Variants in GPC5 observed in about 807,000 individuals in gnomAD.
The protein encoded by GPC5 is glypican 5, also known as glypican-5.
A neutral mutation model predicts 53.9 loss-of-function variants in GPC5; 47 were observed. That is an observed-to-expected ratio of 0.87 (90% CI 0.69 to 1.11). GPC5 has a LOEUF of 1.11. Ranked by LOEUF, GPC5 falls within the 50% of genes most tolerant of loss-of-function variation. The pLI is 0.00. For synonymous variants in GPC5, 286 were observed against 263.3 expected (o/e 1.09, Z -0.84); for missense variants, 748 against 713.1 (o/e 1.05, Z -0.56).
chr13:92,034,973 A>G (rs1276809641), intron 6 of GPC5, among the ~76,000 whole-genome samples: 2 of 152,224 alleles, frequency 1.3e-5, no homozygotes, highest in African/African-American at 4.8e-5. Flanking sequence ...GGTTTGACAC[A>G]TAAAATAGTT....
intron 2 of GPC5, among the ~76,000 whole-genome samples, chr13:91,488,028 A>G (rs1433879495): frequency 2.0e-5 from 3 of 152,058 alleles, no homozygotes; most frequent in Non-Finnish European, 2.9e-5. Flanking sequence ...CATTATATGC[A>G]CATTTAATTC....
At chr13:92,770,284 C>A (rs1328085447) in intron 7 of GPC5, among the ~76,000 whole-genome samples, 1 of 151,798 alleles carries the variant, frequency 6.6e-6, no homozygotes, top group African/African-American at 2.4e-5. Context: ...GGTGGTGGCT[C>A]CTGCCTGTCA....
intron 1 of GPC5, among the ~76,000 whole-genome samples, chr13:91,432,915 G>A (rs1436139932): frequency 6.6e-6 from 1 of 152,044 alleles, no homozygotes; most frequent in Non-Finnish European, 1.5e-5. Context: ...CTAAGACGGT[G>A]GCTTATTAAG....
intron 7 of GPC5, among the ~76,000 whole-genome samples, chr13:92,262,970 CTT>C (rs2042777047): frequency 1.3e-5 from 2 of 152,084 alleles, no homozygotes; most frequent in Admixed American, 6.6e-5. Context: ...TTTCCATACT[CTT>C]TAGCTATTAG....
intron 7 of GPC5, among the ~76,000 whole-genome samples, chr13:92,145,432 T>G (rs2041860255): frequency 6.6e-6 from 1 of 152,098 alleles, no homozygotes; most frequent in African/African-American, 2.4e-5. Flanking sequence ...TGGTATATGG[T>G]TATTGATCAT....
intron 6 of GPC5, among the ~76,000 whole-genome samples, chr13:92,001,719 G>C (rs2040556620): frequency 6.6e-6 from 1 of 151,780 alleles, no homozygotes; most frequent in Admixed American, 6.6e-5. Flanking sequence ...TTTATTTTTT[G>C]TGTCCACAAG....
chr13:92,172,771 C>T (rs1179131807), intron 7 of GPC5, among the ~76,000 whole-genome samples: 1 of 152,006 alleles, frequency 6.6e-6, no homozygotes, highest in African/African-American at 2.4e-5. Flanking sequence ...ACTTTATTTC[C>T]ATTGAAACTG....
intron 6 of GPC5, among the ~76,000 whole-genome samples, chr13:92,079,138 G>A (rs905953026): frequency 2.0e-5 from 3 of 152,022 alleles, no homozygotes; most frequent in East Asian, 1.9e-4. Context: ...TGCAACCTCC[G>A]CCTTCTGGTT....
chr13:91,816,356 C>T (rs1419739542), intron 5 of GPC5, among the ~76,000 whole-genome samples: 1 of 152,090 alleles, frequency 6.6e-6, no homozygotes, highest in Non-Finnish European at 1.5e-5. Flanking sequence ...GTGCTTCTTT[C>T]TTTCAAGGAG....
At chr13:92,491,081 T>C (rs1191091441) in intron 7 of GPC5, among the ~76,000 whole-genome samples, 1 of 152,134 alleles carries the variant, frequency 6.6e-6, no homozygotes, top group Non-Finnish European at 1.5e-5. Context: ...AAATTTATTA[T>C]GTTTTCTTGT....
chr13:91,638,481 C>G (rs1317725768), intron 2 of GPC5, among the ~76,000 whole-genome samples: 1 of 151,784 alleles, frequency 6.6e-6, no homozygotes, highest in East Asian at 1.9e-4. Context: ...TTCTCCTACC[C>G]CAGCGTCCCA....
chr13:92,160,226 CT>C (rs1479804336), intron 7 of GPC5, among the ~76,000 whole-genome samples: 1 of 152,130 alleles, frequency 6.6e-6, no homozygotes, highest in African/African-American at 2.4e-5. Flanking sequence ...CCTATTTTTG[CT>C]TTACTAACTC....
intron 7 of GPC5, among the ~76,000 whole-genome samples, chr13:92,703,942 A>G (rs1302455957): frequency 6.6e-6 from 1 of 151,972 alleles, no homozygotes; most frequent in African/African-American, 2.4e-5. Context: ...TTTACCCATT[A>G]TTTTGTTAAA....
chr13:91,866,106 G>T (rs1301631554), intron 5 of GPC5, among the ~76,000 whole-genome samples: 2 of 152,180 alleles, frequency 1.3e-5, no homozygotes, highest in Non-Finnish European at 2.9e-5. Flanking sequence ...GACCTCAGCT[G>T]ATCGACCCAC....
intron 2 of GPC5, among the ~76,000 whole-genome samples, chr13:91,586,755 G>A (rs2032612435): frequency 6.7e-6 from 1 of 149,844 alleles, no homozygotes; most frequent in African/African-American, 2.4e-5. Context: ...GGGACACAGA[G>A]CCAAACCATA....
At chr13:92,084,559 G>A (rs375526974) in intron 6 of GPC5, among the ~76,000 whole-genome samples, 9 of 152,256 alleles carry the variant, frequency 5.9e-5, no homozygotes, top group Middle Eastern at 3.4e-3. Flanking sequence ...ATGGGAGTCC[G>A]ACTGAGCAGG....
intron 7 of GPC5, among the ~76,000 whole-genome samples, chr13:92,802,792 T>C (rs141132302): frequency 4.6e-5 from 7 of 152,078 alleles, no homozygotes; most frequent in Middle Eastern, 6.8e-3. Flanking sequence ...ACACCAGTAC[T>C]ATATCTATTT....
At chr13:92,768,935 G>C (rs1322089838) in intron 7 of GPC5, among the ~76,000 whole-genome samples, 1 of 151,978 alleles carries the variant, frequency 6.6e-6, no homozygotes, top group African/African-American at 2.4e-5. Flanking sequence ...CCATTTTAAA[G>C]GGAAAAACAT....
intron 5 of GPC5, among the ~76,000 whole-genome samples, chr13:91,894,628 G>A (rs535740873): frequency 6.6e-6 from 1 of 152,302 alleles, no homozygotes; most frequent in South Asian, 2.1e-4. Context: ...TGGCATTTTA[G>A]ATGGTTGTGA....
Sources: gnomAD v4.1 joint callset for allele counts (sites outside exome capture counted in the v4.1 genomes callset) on GRCh38, gnomAD v4.1.1 for gene constraint, MANE v1.5 for transcripts, NCBI Gene and HGNC (gene_info 2026-07-23, HGNC 2026-07-21) for gene names.